The following FABP6 variants were observed in gnomAD, a reference collection of about 807,000 sequenced individuals.
FABP6 encodes gastrotropin.
FABP6 carries 13 observed loss-of-function variants against 14.9 expected under a neutral mutation model. The observed-to-expected ratio is 0.87, with a 90% CI of 0.57 to 1.39. The LOEUF (loss-of-function observed/expected upper bound fraction) is 1.39. Ranked by LOEUF, FABP6 falls within the 40% of genes most tolerant of loss-of-function variation. The probability of loss-of-function intolerance (pLI) is 0.00; values close to 1 mark genes in which losing one functional copy is unlikely to be tolerated. For synonymous variants in FABP6, 75 were observed against 63.6 expected, an observed-to-expected ratio of 1.18 and a Z score of -0.85; for missense variants, 161 against 167.2, an observed-to-expected ratio of 0.96 and a Z score of 0.20.
At chr5:160,227,450 C>G (rs1364899239), upstream of FABP6, among the ~76,000 whole-genome samples, 2 of 148,070 alleles carry the variant, frequency 1.4e-5, no homozygotes, top group Non-Finnish European at 3.0e-5. Flanking sequence ...TCGCTTAAAC[C>G]TGGGAGCGGA....
At chr5:160,235,516 C>T (rs969693586) in intron 3 of FABP6, among the ~76,000 whole-genome samples, 5 of 152,244 alleles carry the variant, frequency 3.3e-5, no homozygotes, top group African/African-American at 1.2e-4. Flanking sequence ...GAGGCCCTTC[C>T]TCTCACTTCT....
intron 3 of FABP6, among the ~76,000 whole-genome samples, chr5:160,221,378 A>G (rs1412394387): frequency 6.6e-6 from 1 of 152,116 alleles, no homozygotes; most frequent in Non-Finnish European, 1.5e-5. Flanking sequence ...GGACAATTAG[A>G]ATTCAGAAAG....
At chr5:160,231,803 G>A (rs555538412) in intron 1 of FABP6, among the ~76,000 whole-genome samples, 103 of 152,262 alleles carry the variant, frequency 6.8e-4, no homozygotes, top group African/African-American at 2.1e-3. Flanking sequence ...CCATGTGCCA[G>A]GAGCTTCACA....
At chr5:160,211,014 C>A (rs576433047) in intron 2 of FABP6, among the ~76,000 whole-genome samples, 1 of 152,296 alleles carries the variant, frequency 6.6e-6, no homozygotes, top group Non-Finnish European at 1.5e-5. Context: ...GGGTCATGGG[C>A]TGCTTTGGTA....
intron 3 of FABP6, among the ~76,000 whole-genome samples, chr5:160,216,125 C>G (rs991431141): frequency 2.6e-5 from 4 of 152,146 alleles, no homozygotes; most frequent in Non-Finnish European, 5.9e-5. Flanking sequence ...AATTGATGAG[C>G]TGCGAAGCTG....
chr5:160,232,468 A>G (rs563300040), intron 2 of FABP6, among the ~76,000 whole-genome samples, 195 bp downstream of exon 2: 7 of 152,346 alleles, frequency 4.6e-5, no homozygotes, highest in African/African-American at 1.7e-4. Context: ...AATAAGAAAA[A>G]TAGCTAATAC....
At chr5:160,226,960 A>G (rs1367070809), upstream of FABP6, among the ~76,000 whole-genome samples, 5 of 152,232 alleles carry the variant, frequency 3.3e-5, no homozygotes, top group Non-Finnish European at 7.3e-5. Context: ...ATCCTTAGCA[A>G]GCAATCTTAG....
At chr5:160,193,047 T>G (rs188994562) in intron 1 of FABP6, among the ~76,000 whole-genome samples, 349 of 152,296 alleles carry the variant, frequency 2.3e-3, no homozygotes, top group Non-Finnish European at 3.8e-3. Context: ...GGAGATTGTG[T>G]GTCCGGAATT....
intron 2 of FABP6, among the ~76,000 whole-genome samples, chr5:160,233,616 T>C (rs1035848016): frequency 6.6e-5 from 10 of 152,208 alleles, no homozygotes; most frequent in African/African-American, 2.4e-4. Flanking sequence ...GGCTCACGCC[T>C]GTAATCCCAG....
At chr5:160,201,361 T>G (rs1580901049) in intron 2 of FABP6, among the ~76,000 whole-genome samples, 1 of 89,266 alleles carries the variant, frequency 1.1e-5, no homozygotes, top group African/African-American at 4.2e-5. Context: ...CTGTCTCAAA[T>G]AAAACAAAAA....
intron 1 of FABP6, 97 bp downstream of exon 1, chr5:160,229,721 A>G: frequency 9.3e-7 from 1 of 1,072,162 alleles, no homozygotes; most frequent in Admixed American, 1.8e-5. Context: ...GATTTCATCC[A>G]TTCATTCACT....
intron 2 of FABP6, among the ~76,000 whole-genome samples, chr5:160,234,307 G>T (rs1937419023): frequency 1.3e-5 from 2 of 150,042 alleles, no homozygotes; most frequent in African/African-American, 4.9e-5. Flanking sequence ...TCTCCTTGCA[G>T]TCAGCTCCTC....
chr5:160,236,686 A>C (rs887281514), intron 3 of FABP6, among the ~76,000 whole-genome samples: 4 of 151,918 alleles, frequency 2.6e-5, no homozygotes, highest in Admixed American at 2.0e-4. Flanking sequence ...ATAATCTAAA[A>C]ATTATCTGGG....
chr5:160,237,107 G>C (rs773782272), intron 3 of FABP6, among the ~76,000 whole-genome samples: 23 of 152,112 alleles, frequency 1.5e-4, no homozygotes, highest in Non-Finnish European at 3.4e-4. Flanking sequence ...CTGATGAAAG[G>C]GCTTTTGATG....
chr5:160,213,422 C>G, intron 2 of FABP6, among the ~76,000 whole-genome samples: 1 of 152,126 alleles, frequency 6.6e-6, no homozygotes, highest in East Asian at 1.9e-4. Flanking sequence ...GCAGTGCTAC[C>G]CTTGATAGGG....
chr5:160,227,819 CGTGTGTGTGT>C (rs763474232), upstream of FABP6, among the ~76,000 whole-genome samples: 3 of 145,654 alleles, frequency 2.1e-5, no homozygotes, highest in African/African-American at 7.6e-5. Flanking sequence ...AAATCCATGA[CGTGTGTGTGT>C]GTGTGTGTGT....
At chr5:160,219,411 C>T (rs1760085527) in intron 3 of FABP6, among the ~76,000 whole-genome samples, 2 of 152,188 alleles carry the variant, frequency 1.3e-5, no homozygotes. Context: ...TCTATTGCCT[C>T]ATAAAACTTC....
At chr5:160,236,934 A>G (rs1760529743) in intron 3 of FABP6, among the ~76,000 whole-genome samples, 2 of 152,072 alleles carry the variant, frequency 1.3e-5, no homozygotes, top group African/African-American at 4.8e-5. Context: ...GTGAGCAAAG[A>G]ATGAGCCCCC....
At chr5:160,228,647 C>G (rs1413006695), upstream of FABP6, 1 of 421,426 alleles carries the variant, frequency 2.4e-6, no homozygotes, top group Admixed American at 2.6e-5. Context: ...CAGCCCAGTG[C>G]CTGGTGCACA....
Sources: gnomAD v4.1 joint callset for allele counts (sites outside exome capture counted in the v4.1 genomes callset) on GRCh38, gnomAD v4.1.1 for gene constraint, MANE v1.5 for transcripts, NCBI Gene and HGNC (gene_info 2026-07-23, HGNC 2026-07-21) for gene names.